Variants in PHLPP1 observed in about 807,000 individuals in gnomAD.
PHLPP1 encodes the protein PH domain leucine-rich repeat-containing protein phosphatase 1.
A neutral mutation model predicts 117.2 loss-of-function variants in PHLPP1; 42 were observed. The ratio of observed to expected loss-of-function variants is 0.36; its 90% CI spans 0.28 to 0.46. PHLPP1 has a LOEUF of 0.46. PHLPP1 is among the 20% of genes least tolerant of loss of function. The probability of loss-of-function intolerance (pLI) is 1.00; values close to 1 mark genes in which losing one functional copy is unlikely to be tolerated. For missense variants in PHLPP1, 2,084 were observed against 2,241.9 expected, an observed-to-expected ratio of 0.93 and a Z score of 1.42; for synonymous variants, 1,042 against 970.7, an observed-to-expected ratio of 1.07 and a Z score of -1.37.
At chr18:62,949,980 G>A (rs939578696) in intron 12 of PHLPP1, among the ~76,000 whole-genome samples, 3 of 152,104 alleles carry the variant, frequency 2.0e-5, no homozygotes, top group East Asian at 3.8e-4. Context: ...CCCTTCCCCC[G>A]CTTTTTTTGA....
intron 12 of PHLPP1, among the ~76,000 whole-genome samples, chr18:62,954,041 T>C (rs1910545137): frequency 6.6e-6 from 1 of 152,252 alleles, no homozygotes. Context: ...CATGCAGCTT[T>C]TGTGATAGTT....
At chr18:62,813,851 A>G (rs1195602333) in intron 1 of PHLPP1, among the ~76,000 whole-genome samples, 1 of 152,066 alleles carries the variant, frequency 6.6e-6, no homozygotes, top group African/African-American at 2.4e-5. Flanking sequence ...CTGCACCACT[A>G]CACAAACATA....
chr18:62,793,498 ACAGT>A (rs1421171839), intron 1 of PHLPP1, among the ~76,000 whole-genome samples: 1 of 152,212 alleles, frequency 6.6e-6, no homozygotes, highest in Non-Finnish European at 1.5e-5. Context: ...CCTTGTCCAG[ACAGT>A]CAGCCTGCTC....
intron 10 of PHLPP1, among the ~76,000 whole-genome samples, chr18:62,931,112 G>T (rs982598389): frequency 6.6e-6 from 1 of 151,304 alleles, no homozygotes; most frequent in Non-Finnish European, 1.5e-5. Flanking sequence ...CAGGAGAATT[G>T]CTTGAACCCG....
At chr18:62,790,292 A>C (rs1913420082) in intron 1 of PHLPP1, among the ~76,000 whole-genome samples, 1 of 152,186 alleles carries the variant, frequency 6.6e-6, no homozygotes, top group South Asian at 2.1e-4. Flanking sequence ...ACGTGGGAGG[A>C]GGTATCAAAA....
intron 1 of PHLPP1, among the ~76,000 whole-genome samples, chr18:62,798,577 T>C (rs936887935): frequency 2.0e-5 from 3 of 152,212 alleles, no homozygotes; most frequent in Non-Finnish European, 4.4e-5. Flanking sequence ...TCAGAAACAT[T>C]TTAGAGTTAT....
At chr18:62,933,960 C>T (rs1568166233) in intron 10 of PHLPP1, among the ~76,000 whole-genome samples, 1 of 152,070 alleles carries the variant, frequency 6.6e-6, no homozygotes, top group East Asian at 1.9e-4. Flanking sequence ...TTCAGGCTGC[C>T]AGCAAACATG....
chr18:62,725,359 C>CA (rs768416457), intron 1 of PHLPP1, among the ~76,000 whole-genome samples: 1,327 of 85,376 alleles, frequency 0.016, 6 homozygotes, highest in Admixed American at 0.021. Flanking sequence ...AACTCAGTCT[C>CA]AAAAAAAAAA....
At chr18:62,759,365 G>A (rs1599029655) in intron 1 of PHLPP1, among the ~76,000 whole-genome samples, 1 of 152,210 alleles carries the variant, frequency 6.6e-6, no homozygotes, top group Admixed American at 6.5e-5. Flanking sequence ...CCTTAGGTCA[G>A]TGTGTACTTT....
At chr18:62,852,564 C>T (rs369703795) in intron 3 of PHLPP1, among the ~76,000 whole-genome samples, 2 of 152,080 alleles carry the variant, frequency 1.3e-5, no homozygotes, top group Non-Finnish European at 2.9e-5. Flanking sequence ...AGGATGGTCT[C>T]GATCTCCTGA....
chr18:62,775,770 T>A (rs1260904963), intron 1 of PHLPP1, among the ~76,000 whole-genome samples: 1 of 152,200 alleles, frequency 6.6e-6, no homozygotes, highest in Non-Finnish European at 1.5e-5. Flanking sequence ...TATCCACCTG[T>A]GAAACCACCA....
chr18:62,729,400 TAAAATACTA>T (rs1301726660), intron 1 of PHLPP1, among the ~76,000 whole-genome samples: 1 of 152,156 alleles, frequency 6.6e-6, no homozygotes. Context: ...CCCATTGCTG[TAAAATACTA>T]AATGAAGCTG....
chr18:62,920,785 T>A (rs1909441467), intron 10 of PHLPP1, among the ~76,000 whole-genome samples: 1 of 152,224 alleles, frequency 6.6e-6, no homozygotes, highest in South Asian at 2.1e-4. Flanking sequence ...GGTTTCGAAC[T>A]CCTGGGCTCA....
chr18:62,766,359 C>T (rs930918627), intron 1 of PHLPP1, among the ~76,000 whole-genome samples: 1 of 151,636 alleles, frequency 6.6e-6, no homozygotes, highest in African/African-American at 2.4e-5. Context: ...CCTGGCCTCT[C>T]TAGTAACTCC....
At position 62,747,728 on chromosome 18, in the gene PHLPP1, TA is replaced by T; in HGVS notation, c.1576+30471del. Among the ~76,000 whole-genome samples, 3 of 152,022 alleles carry T rather than the reference TA, an allele frequency of 2.0e-5. 1 individual carries two copies. In the Middle Eastern group the frequency reaches 0.01, roughly 524 times the overall value. On this transcript the variant is annotated intron_variant, in intron 1 of 16. Coordinates refer to ENST00000262719, the MANE Select transcript of PHLPP1 (RefSeq NM_194449.4). ...AGAGACGGGGTCTCACTCTGTTGCCTAAGCTGGTTTTGAACTCCTGGGCTCA... is the reference window on the plus strand; with the variant it reads ...AGAGACGGGGTCTCACTCTGTTGCCTAGCTGGTTTTGAACTCCTGGGCTCA...
chr18:62,863,669 G>A (rs191211206), intron 4 of PHLPP1, among the ~76,000 whole-genome samples: 9 of 152,294 alleles, frequency 5.9e-5, no homozygotes, highest in Non-Finnish European at 1.0e-4. Flanking sequence ...TCATGGTGCT[G>A]GTGGGAGTGT....
chr18:62,927,163 C>G (rs1224006365), intron 10 of PHLPP1, among the ~76,000 whole-genome samples: 1 of 152,174 alleles, frequency 6.6e-6, no homozygotes, highest in Non-Finnish European at 1.5e-5. Context: ...ACCAGAACAT[C>G]AGAGGACACA....
intron 1 of PHLPP1, among the ~76,000 whole-genome samples, chr18:62,730,334 A>G (rs1911192432): frequency 6.6e-6 from 1 of 152,166 alleles, no homozygotes; most frequent in Non-Finnish European, 1.5e-5. Context: ...CTATGACGAC[A>G]GTACTAGTTC....
At chr18:62,775,264 A>T (rs1485024164) in intron 1 of PHLPP1, among the ~76,000 whole-genome samples, 2 of 151,928 alleles carry the variant, frequency 1.3e-5, no homozygotes, top group East Asian at 3.9e-4. Flanking sequence ...CGCCCGGCTA[A>T]TTTTTTGTAT....
Sources: allele counts gnomAD v4.1 joint callset (sites outside exome capture counted in the v4.1 genomes callset), GRCh38; gene constraint gnomAD v4.1.1; transcripts MANE v1.5; gene names NCBI Gene and HGNC (gene_info 2026-07-23, HGNC 2026-07-21).